Variants in RARB observed in about 807,000 individuals in gnomAD.
RARB encodes the protein retinoic acid receptor beta, also known as HBV-activated protein.
In RARB, 17 loss-of-function variants were observed where a neutral mutation model predicts 51.9. That is an observed-to-expected ratio of 0.33 (90% CI 0.22 to 0.49). RARB has a LOEUF of 0.49. RARB is among the 20% of genes least tolerant of loss of function. The pLI, the probability that RARB is intolerant of heterozygous loss-of-function variation, is 0.99. For missense variants in RARB, 369 were observed against 550.8 expected, an observed-to-expected ratio of 0.67 and a Z score of 3.30; for synonymous variants, 215 against 195.4, an observed-to-expected ratio of 1.10 and a Z score of -0.84.
At chr3:25,546,930 C>A (rs1699641785) in intron 3 of RARB, among the ~76,000 whole-genome samples, 1 of 152,158 alleles carries the variant, frequency 6.6e-6, no homozygotes. Context: ...TTAATGGCAA[C>A]ATAATGTTCC....
At chr3:25,198,954 A>C (rs1258906115) in intron 5 of RARB, among the ~76,000 whole-genome samples, 2 of 151,982 alleles carry the variant, frequency 1.3e-5, no homozygotes, top group Non-Finnish European at 2.9e-5. Flanking sequence ...TATACCCCCA[A>C]AAAAGGAAAT....
intron 5 of RARB, among the ~76,000 whole-genome samples, chr3:25,189,515 G>A (rs573067928): frequency 2.0e-5 from 3 of 152,184 alleles, no homozygotes; most frequent in African/African-American, 7.2e-5. Flanking sequence ...GAATCATTTT[G>A]AATCAGCTCC....
chr3:25,344,935 AG>A (rs1306382324), intron 5 of RARB, among the ~76,000 whole-genome samples: 6 of 137,594 alleles, frequency 4.4e-5, no homozygotes, highest in African/African-American at 1.6e-4. Context: ...GTCTCTGAAA[AG>A]TATTTGGCAT....
intron 3 of RARB, among the ~76,000 whole-genome samples, chr3:25,131,381 C>G (rs1024362318): frequency 1.2e-4 from 19 of 152,008 alleles, no homozygotes; most frequent in Non-Finnish European, 2.5e-4. Flanking sequence ...AAATAATGGA[C>G]TTTGGAAAAT....
chr3:24,859,655 A>G (rs1702704816), intron 2 of RARB, among the ~76,000 whole-genome samples: 1 of 152,214 alleles, frequency 6.6e-6, no homozygotes, highest in Non-Finnish European at 1.5e-5. Flanking sequence ...ATATGCAAAG[A>G]TATTAAAATC....
chr3:25,066,428 A>G (rs1698663503), intron 3 of RARB, among the ~76,000 whole-genome samples: 1 of 152,180 alleles, frequency 6.6e-6, no homozygotes, highest in Non-Finnish European at 1.5e-5. Context: ...AGGCCATTTG[A>G]GTAAATAATT....
chr3:25,525,777 T>A (rs1198145660), intron 3 of RARB, among the ~76,000 whole-genome samples: 1 of 151,812 alleles, frequency 6.6e-6, no homozygotes, highest in Non-Finnish European at 1.5e-5. Context: ...ATCATGGAGG[T>A]AAAGGGGTCT....
intron 3 of RARB, among the ~76,000 whole-genome samples, chr3:25,508,278 T>A (rs1204591885): frequency 6.6e-6 from 1 of 152,218 alleles, no homozygotes; most frequent in African/African-American, 2.4e-5. Context: ...ATTTATACTT[T>A]AGACATGAAC....
At chr3:25,546,090 A>C (rs1699605692) in intron 3 of RARB, among the ~76,000 whole-genome samples, 1 of 152,098 alleles carries the variant, frequency 6.6e-6, no homozygotes, top group Non-Finnish European at 1.5e-5. Flanking sequence ...CAGCCAGTGC[A>C]GAAGCGCTTA....
At chr3:24,902,477 G>T (rs569922828) in intron 2 of RARB, among the ~76,000 whole-genome samples, 1 of 152,060 alleles carries the variant, frequency 6.6e-6, no homozygotes. Context: ...TGGCTTATTG[G>T]CAGTGCTTTA....
intron 5 of RARB, among the ~76,000 whole-genome samples, chr3:25,304,746 C>CA (rs1704118427): frequency 6.6e-6 from 1 of 152,156 alleles, no homozygotes; most frequent in Non-Finnish European, 1.5e-5. Flanking sequence ...CTGACCTCTG[C>CA]ACAGTAGCTA....
At chr3:25,409,179 T>C (rs186914413) in intron 5 of RARB, among the ~76,000 whole-genome samples, 1 of 152,304 alleles carries the variant, frequency 6.6e-6, no homozygotes, top group East Asian at 1.9e-4. Flanking sequence ...CCACTCCTTG[T>C]TCCTTAATAC....
intron 2 of RARB, among the ~76,000 whole-genome samples, chr3:24,959,647 G>A (rs565983909): frequency 1.2e-4 from 18 of 152,298 alleles, no homozygotes; most frequent in South Asian, 6.2e-4. Flanking sequence ...GCCCTTTTCC[G>A]TCTAGAATTC....
At chr3:25,129,229 C>G (rs1461981741) in intron 3 of RARB, among the ~76,000 whole-genome samples, 1 of 152,040 alleles carries the variant, frequency 6.6e-6, no homozygotes, top group Non-Finnish European at 1.5e-5. Context: ...TTATTCCACA[C>G]TCTATCAATT....
chr3:24,860,418 T>C (rs1011880323), intron 2 of RARB, among the ~76,000 whole-genome samples: 7 of 152,208 alleles, frequency 4.6e-5, no homozygotes, highest in Non-Finnish European at 8.8e-5. Context: ...CAGCAGGTCA[T>C]TTGGCAGAAG....
At chr3:24,882,746 A>G (rs1448446890) in intron 2 of RARB, among the ~76,000 whole-genome samples, 1 of 152,068 alleles carries the variant, frequency 6.6e-6, no homozygotes, top group East Asian at 1.9e-4. Flanking sequence ...GACATTCCCC[A>G]TGTCTCTGCT....
intron 3 of RARB, among the ~76,000 whole-genome samples, chr3:25,128,785 A>T (rs539643209): frequency 6.6e-6 from 1 of 152,166 alleles, no homozygotes; most frequent in South Asian, 2.1e-4. Context: ...TTAATCACTG[A>T]AAAAAAGAAT....
At chr3:25,435,032 T>C (rs1252596878) in intron 1 of RARB, among the ~76,000 whole-genome samples, 2 of 152,214 alleles carry the variant, frequency 1.3e-5, no homozygotes, top group Admixed American at 1.3e-4. Flanking sequence ...AGTATCTGAT[T>C]TGAGATTTGG....
At chr3:24,978,253 AT>A (rs1270227465) in intron 2 of RARB, among the ~76,000 whole-genome samples, 2 of 152,056 alleles carry the variant, frequency 1.3e-5, no homozygotes, top group African/African-American at 2.4e-5. Context: ...TGGAATCAGG[AT>A]GACGCTTGTC....
Sources: gnomAD v4.1 joint callset for allele counts (sites outside exome capture counted in the v4.1 genomes callset) on GRCh38, gnomAD v4.1.1 for gene constraint, MANE v1.5 for transcripts, NCBI Gene and HGNC (gene_info 2026-07-23, HGNC 2026-07-21) for gene names.